PITHD1: variants seen among roughly 807,000 people sequenced by gnomAD.
The protein encoded by PITHD1 is PITH domain containing 1.
PITHD1 carries 8 observed loss-of-function variants against 27.5 expected under a neutral mutation model. The ratio of observed to expected loss-of-function variants is 0.29; its 90% CI spans 0.17 to 0.52. The LOEUF is 0.52. PITHD1 is among the 20% of genes least tolerant of loss of function. The pLI is 0.96. For missense variants in PITHD1, 233 were observed against 283.9 expected (o/e 0.82, Z 1.29); for synonymous variants, 118 against 106.8 (o/e 1.10, Z -0.64).
chr1:23,784,614 C>T (rs1173995335), intron 3 of PITHD1, among the ~76,000 whole-genome samples: 2 of 152,046 alleles, frequency 1.3e-5, no homozygotes, highest in Admixed American at 1.3e-4. Context: ...AATAAAACAC[C>T]CTGGAATTGG....
At chr1:23,785,598 G>A in intron 3 of PITHD1, 77 bp from the exon 4 acceptor site, 1 of 785,572 alleles carries the variant, frequency 1.3e-6, no homozygotes, top group Non-Finnish European at 2.2e-6. Context: ...AGCCATTTAA[G>A]CAGTCAGTAG....
rs376406363 is a variant in PITHD1 at position 23,779,954 on chromosome 1, G to A, written c.320+13G>A. On this transcript the variant is annotated intron_variant, in intron 3 of 5. Transcript: ENST00000246151. ...CTGAGATGAGACTGTAAGTGGCAAA[G>A]GCTTAGGCCCTCAAAGGAGCTCCTA... The A allele has an allele frequency of 6.4e-7, 1 of 1,562,022 alleles. No individual in the cohort carries two copies. The highest frequency in any genetic ancestry group is 1.4e-5 in the African/African-American group (1 of 73,914).
In PITHD1 at chr1:23,787,360, C is replaced by G; in HGVS notation, c.620C>G (p.Thr207Arg). Reference sequence around the variant, plus strand: ...AGGGTCCATCAGGTTACCCCACAGACACACTTTATTTCCTAAGGGCTGGCC... The same window carrying G: ...AGGGTCCATCAGGTTACCCCACAGAGACACTTTATTTCCTAAGGGCTGGCC... ...DHRVHQVTPQTHFIS is the reference protein window; with the variant it reads ...DHRVHQVTPQRHFIS Residue 207 changes from threonine (T) to arginine (R), a missense_variant, in exon 6 of 6, where the codon ACA (threonine) becomes AGA (arginine). Transcript: ENST00000246151. 1 of 1,602,084 alleles carries G rather than the reference C, an allele frequency of 6.2e-7. No individual in the cohort carries two copies. The highest frequency in any genetic ancestry group is 1.1e-5 in the South Asian group (1 of 90,584).
intron 3 of PITHD1, among the ~76,000 whole-genome samples, chr1:23,784,089 C>T (rs986091864): frequency 3.3e-5 from 5 of 152,104 alleles, no homozygotes; most frequent in African/African-American, 9.7e-5. Flanking sequence ...AGTGACAGAG[C>T]CAGGCTTGAA....
At position 23,779,929 on chromosome 1, in the gene PITHD1, C is replaced by A; in HGVS notation, c.308C>A (p.Ser103Tyr). 1 of 1,609,222 alleles carries A rather than the reference C, an allele frequency of 6.2e-7. No homozygotes were observed. Among genetic ancestry groups the A allele is most frequent in the Non-Finnish European group, 8.5e-7 (1 of 1,175,556 alleles). ...GGAGAGGATGATGACTCACACCCCT[C>A]TGAGATGAGACTGTAAGTGGCAAAG... ...IMGEDDDSHP[S>Y]EMRLYKNIPQ... Residue 103 changes from serine to tyrosine, a missense_variant, in exon 3 of 6, where the codon TCT (serine) becomes TAT (tyrosine). By Grantham distance (144) the Ser-to-Tyr change is moderately radical. Coordinates refer to ENST00000246151, the MANE Select transcript of PITHD1 (RefSeq NM_020362.5).
Position 23,779,876 on chromosome 1 carries a change from T to C in PITHD1, c.255T>C (p.Asn85=). 2 of 1,613,338 alleles carry C rather than the reference T, an allele frequency of 1.2e-6. No homozygotes were observed. Among genetic ancestry groups the C allele is most frequent in the Non-Finnish European group, 8.5e-7 (1 of 1,179,308 alleles). ...TGCATTCTGGCAGATTTACGGGCAA[T>C]GTCAAGCTCAAAGGCATCATTATAA... The part of the protein sequence containing the change: ...ELLFNIPFTG[N]VKLKGIIIMG... The change falls in exon 3 of 6, where the codon AAT becomes AAC. Residue 85 remains asparagine, a synonymous_variant. Coordinates refer to ENST00000246151, the MANE Select transcript of PITHD1 (RefSeq NM_020362.5).
intron 3 of PITHD1, among the ~76,000 whole-genome samples, chr1:23,782,423 GAAAAA>G (rs796360932): frequency 5.0e-4 from 65 of 129,598 alleles, no homozygotes; most frequent in African/African-American, 1.8e-3. Flanking sequence ...TGTCTCAAAA[GAAAAA>G]AAAAAAAGAA....
intron 3 of PITHD1, among the ~76,000 whole-genome samples, chr1:23,783,022 A>T (rs973702061): frequency 6.6e-6 from 1 of 151,728 alleles, no homozygotes; most frequent in South Asian, 2.1e-4. Context: ...TTTGAGACAG[A>T]GTCTCACTGT....
intron 3 of PITHD1, among the ~76,000 whole-genome samples, chr1:23,783,290 T>TGTATATCTAC (rs1638629511): frequency 2.0e-5 from 3 of 150,562 alleles, no homozygotes; most frequent in Non-Finnish European, 3.0e-5. Context: ...TGTGTGTATA[T>TGTATATCTAC]ATATATGTAT....
chr1:23,781,946 A>G (rs1638606609), intron 3 of PITHD1, among the ~76,000 whole-genome samples: 2 of 152,242 alleles, frequency 1.3e-5, no homozygotes, highest in Admixed American at 1.3e-4. Context: ...AGCACACTAC[A>G]TATATTATAC....
intron 3 of PITHD1, among the ~76,000 whole-genome samples, chr1:23,780,175 A>G (rs1197577198): frequency 6.6e-6 from 1 of 152,246 alleles, no homozygotes; most frequent in Non-Finnish European, 1.5e-5. Flanking sequence ...CAAAGTGCTT[A>G]CTATGACATG....
At chr1:23,784,808 G>A (rs188837394) in intron 3 of PITHD1, among the ~76,000 whole-genome samples, 91 of 152,170 alleles carry the variant, frequency 6.0e-4, no homozygotes, top group Non-Finnish European at 1.0e-3. Flanking sequence ...CCTCTCTAGC[G>A]GTTTGGATGT....
intron 2 of PITHD1, 153 bp from the exon 3 acceptor site, chr1:23,779,711 G>A: frequency 3.0e-6 from 2 of 677,600 alleles, no homozygotes; most frequent in Non-Finnish European, 2.7e-6. Context: ...ATTGTAGAAT[G>A]CTAGAGGTAG....
At chr1:23,780,034 G>A (rs144681325) in intron 3 of PITHD1, 93 bp downstream of exon 3, 9 of 803,572 alleles carry the variant, frequency 1.1e-5, no homozygotes, top group Admixed American at 6.3e-5. Context: ...TCTTCTTACC[G>A]GGTTTAATAT....
intron 2 of PITHD1, 48 bp downstream of exon 2, chr1:23,779,529 G>C (rs1380655500): frequency 1.4e-6 from 2 of 1,406,222 alleles, no homozygotes; most frequent in Non-Finnish European, 2.0e-6. Context: ...GCTGTACCCA[G>C]TTGCCTCAGA....
intron 3 of PITHD1, among the ~76,000 whole-genome samples, chr1:23,782,071 A>G (rs887333797): frequency 6.6e-6 from 1 of 152,236 alleles, no homozygotes; most frequent in Admixed American, 6.5e-5. Context: ...AATTAGATTG[A>G]GAGTATTAAA....
At chr1:23,782,771 T>G (rs557906903) in intron 3 of PITHD1, among the ~76,000 whole-genome samples, 1 of 151,796 alleles carries the variant, frequency 6.6e-6, no homozygotes, top group East Asian at 1.9e-4. Flanking sequence ...CCAGCTAATT[T>G]ATGTATTTTT....
chr1:23,778,566 A>G lies in PITHD1; in HGVS notation c.51A>G (p.Glu17=). 7.4e-7 allele frequency: 1 copy of G among 1,344,754 alleles called. No individual in the cohort carries two copies. The highest frequency in any genetic ancestry group is 9.5e-7 in the Non-Finnish European group (1 of 1,052,628). 83.3% of individuals were successfully genotyped at this position (1,344,754 alleles called of 1,614,324 possible). ...HGGGGCRCAA[E]REEPPEQRGL... ...GGGGTGGCTGCCGCTGCGCCGCCGA[A>G]CGGGAGGAGCCGCCCGAGCAGCGCG... The change falls in exon 1 of 6, where the codon GAA becomes GAG. Residue 17 remains glutamate, a synonymous_variant. Coordinates refer to ENST00000246151, the MANE Select transcript of PITHD1 (RefSeq NM_020362.5).
chr1:23,786,473 C>G, intron 5 of PITHD1, 50 bp downstream of exon 5: 2 of 766,636 alleles, frequency 2.6e-6, no homozygotes, highest in South Asian at 2.0e-5. Context: ...TATCTGCACA[C>G]TGTGGTGATG....
Sources: gnomAD v4.1 joint callset for allele counts (sites outside exome capture counted in the v4.1 genomes callset) on GRCh38, gnomAD v4.1.1 for gene constraint, MANE v1.5 for transcripts, NCBI Gene and HGNC (gene_info 2026-07-23, HGNC 2026-07-21) for gene names.